KLHL2: variants seen among roughly 807,000 people sequenced by gnomAD.
KLHL2 encodes the protein kelch like family member 2.
KLHL2 carries 15 observed loss-of-function variants against 75.8 expected under a neutral mutation model. That is an observed-to-expected ratio of 0.20 (90% CI 0.13 to 0.30). The LOEUF is 0.30. KLHL2 is among the 10% of genes least tolerant of loss of function. The probability of loss-of-function intolerance (pLI) is 1.00; values close to 1 mark genes in which losing one functional copy is unlikely to be tolerated. For synonymous variants in KLHL2, 214 were observed against 251.9 expected (o/e 0.85, Z 1.42); for missense variants, 381 against 741.0 (o/e 0.51, Z 5.64).
intron 3 of KLHL2, among the ~76,000 whole-genome samples, chr4:165,237,694 A>G (rs1246852766): frequency 3.9e-5 from 6 of 152,226 alleles, no homozygotes; most frequent in Admixed American, 6.5e-5. Flanking sequence ...GTTATGGTTT[A>G]ATAAGAGATG....
At chr4:165,317,333 T>C (rs1481821349) in intron 13 of KLHL2, among the ~76,000 whole-genome samples, 1 of 151,644 alleles carries the variant, frequency 6.6e-6, no homozygotes, top group East Asian at 1.9e-4. Context: ...AGCTTAGAAG[T>C]GGTATTATGG....
chr4:165,317,535 T>C (rs1441093820), intron 13 of KLHL2, among the ~76,000 whole-genome samples: 1 of 152,060 alleles, frequency 6.6e-6, no homozygotes, highest in African/African-American at 2.4e-5. Flanking sequence ...TGGCTGATTT[T>C]TGTATTTTTA....
rs1302161724 is a variant in KLHL2, at chr4:165,207,927, C to A, written c.26+25C>A. 3 of 1,399,120 alleles carry A rather than the reference C, an allele frequency of 2.1e-6. No homozygotes were observed. The East Asian group carries it at 1.0e-4, about 48-fold the overall frequency. The allele number at this position is 1,399,120 out of a possible 1,614,324, so 86.7% of individuals were successfully genotyped here. ...CGTGAGTGAGCGGGCGGGCGGGCTGCGCCGCTGCGGATAAGCGCGCCGCTG... is the reference window on the plus strand; with the variant it reads ...CGTGAGTGAGCGGGCGGGCGGGCTGAGCCGCTGCGGATAAGCGCGCCGCTG... On this transcript the variant is annotated intron_variant, in intron 1 of 14. Coordinates refer to ENST00000226725, the MANE Select transcript of KLHL2 (RefSeq NM_007246.4). This position sits in a 1 kb window ranked among gnomAD's most constrained non-coding sequence, Gnocchi z 4.2.
intron 4 of KLHL2, among the ~76,000 whole-genome samples, chr4:165,243,110 T>A (rs1429114456): frequency 8.3e-6 from 1 of 119,792 alleles, no homozygotes; most frequent in Non-Finnish European, 1.6e-5. Flanking sequence ...TAACTGAAAA[T>A]TTTTTTCACG....
chr4:165,209,855 G>A (rs1737081062), intron 1 of KLHL2: 1 of 470,076 alleles, frequency 2.1e-6, no homozygotes, highest in Non-Finnish European at 3.8e-6. Context: ...TCAAGAACTC[G>A]TTATGGTGTT....
At chr4:165,313,387 G>A in intron 12 of KLHL2, 21 bp downstream of exon 12, 3 of 1,441,272 alleles carry the variant, frequency 2.1e-6, no homozygotes, top group East Asian at 2.7e-5. Flanking sequence ...ACCTGTTTTA[G>A]CAACTGAAGC....
chr4:165,302,269 C>CCACCATTTTAGAGTTGTTATGTTCCAA (rs1282189337), intron 8 of KLHL2, among the ~76,000 whole-genome samples: 1 of 152,122 alleles, frequency 6.6e-6, no homozygotes. Flanking sequence ...TTTTCCAACA[C>CCACCATTTTAGAGTTGTTATGTTCCAA]CACCATTTGT....
At chr4:165,295,017 C>G (rs542632443) in intron 6 of KLHL2, among the ~76,000 whole-genome samples, 24 of 152,166 alleles carry the variant, frequency 1.6e-4, no homozygotes, top group Non-Finnish European at 2.9e-4. Flanking sequence ...CTGCCTGCCT[C>G]CCTGACTCTC....
chr4:165,235,204 A>C (rs1411294766), intron 3 of KLHL2, among the ~76,000 whole-genome samples: 7 of 65,030 alleles, frequency 1.1e-4, no homozygotes, highest in Middle Eastern at 0.016. Context: ...TTATTTACTT[A>C]TTTATTTATT....
chr4:165,256,776 A>C (rs1741209001), intron 4 of KLHL2, among the ~76,000 whole-genome samples: 2 of 152,258 alleles, frequency 1.3e-5, no homozygotes, highest in Admixed American at 1.3e-4. Flanking sequence ...GGAAATGTTC[A>C]TATCACACCT....
intron 2 of KLHL2, among the ~76,000 whole-genome samples, chr4:165,223,297 A>T (rs1204080888): frequency 6.6e-6 from 1 of 152,250 alleles, no homozygotes; most frequent in African/African-American, 2.4e-5. Context: ...GTGTCTAGAG[A>T]GCTGCTGGAC....
intron 4 of KLHL2, among the ~76,000 whole-genome samples, chr4:165,259,348 C>T (rs1741459614): frequency 6.6e-6 from 1 of 152,034 alleles, no homozygotes; most frequent in Non-Finnish European, 1.5e-5. Context: ...ACCTCAAATG[C>T]TCTGCCCACC....
intron 7 of KLHL2, among the ~76,000 whole-genome samples, chr4:165,298,889 C>G (rs985017559): frequency 6.6e-6 from 1 of 151,840 alleles, no homozygotes; most frequent in African/African-American, 2.4e-5. Context: ...AGGATTGTAC[C>G]ACTGAACTCC....
At chr4:165,304,527 G>GT (rs1475037877) in intron 8 of KLHL2, among the ~76,000 whole-genome samples, 24 of 152,008 alleles carry the variant, frequency 1.6e-4, no homozygotes, top group African/African-American at 4.8e-4. Flanking sequence ...ATTCTTTACA[G>GT]TTTTTGATTT....
chr4:165,280,068 T>C (rs1743546697), intron 5 of KLHL2, among the ~76,000 whole-genome samples: 1 of 152,202 alleles, frequency 6.6e-6, no homozygotes, highest in South Asian at 2.1e-4. Context: ...GGACTAGATG[T>C]GTGCCTTCTC....
chr4:165,313,967 AATATG>A, intron 12 of KLHL2, 54 bp from the exon 13 acceptor site: 1 of 1,541,642 alleles, frequency 6.5e-7, no homozygotes. Context: ...AAATAAACCT[AATATG>A]ATATAAATCT....
chr4:165,208,270 C>T (rs1387205927), intron 1 of KLHL2, among the ~76,000 whole-genome samples: 1 of 152,124 alleles, frequency 6.6e-6, no homozygotes, highest in Non-Finnish European at 1.5e-5. Context: ...GGCTAGGATG[C>T]ACTGAGTCCG....
In KLHL2 at chr4:165,305,643, T is replaced by A; in HGVS notation, c.957T>A (p.Ala319=). 1 of 1,614,130 alleles carries A rather than the reference T, an allele frequency of 6.2e-7. No homozygotes were observed. The highest frequency in any genetic ancestry group is 1.3e-5 in the African/African-American group (1 of 75,048). The change falls in exon 9 of 15, where the codon GCT becomes GCA. Residue 319 remains alanine, a synonymous_variant. Transcript: ENST00000226725. ...TGGTTGGGGGCCAAGCACCAAAGGC[T>A]ATCCGGAGTGTGGAATGCTATGACT... is the stretch of plus-strand genomic sequence containing the variant. ...MVVVGGQAPK[A]IRSVECYDFK...
chr4:165,294,608 T>C, intron 6 of KLHL2, 140 bp downstream of exon 6: 1 of 488,516 alleles, frequency 2.0e-6, no homozygotes. Context: ...GAAACTCAGC[T>C]AGTTACTTCA....
Sources: allele counts gnomAD v4.1 joint callset (sites outside exome capture counted in the v4.1 genomes callset), GRCh38; gene constraint gnomAD v4.1.1; non-coding constraint Gnocchi (gnomAD v3.1); transcripts MANE v1.5; gene names NCBI Gene and HGNC (gene_info 2026-07-23, HGNC 2026-07-21).